The following TMEM132D variants were observed in gnomAD, a reference collection of about 807,000 sequenced individuals.
TMEM132D encodes mature OL transmembrane protein.
In TMEM132D, 21 loss-of-function variants were observed where a neutral mutation model predicts 62.3. The ratio of observed to expected loss-of-function variants is 0.34; its 90% CI spans 0.24 to 0.49. The LOEUF is 0.49. Ranked by LOEUF, TMEM132D falls within the 20% of genes least tolerant of loss-of-function variation. The probability of loss-of-function intolerance (pLI) is 0.99; values close to 1 mark genes in which losing one functional copy is unlikely to be tolerated. For missense variants in TMEM132D, 1,346 were observed against 1,402.8 expected (o/e 0.96, Z 0.65); for synonymous variants, 621 against 575.6 (o/e 1.08, Z -1.13).
intron 1 of TMEM132D, among the ~76,000 whole-genome samples, chr12:129,777,093 G>A (rs1870963343): frequency 6.6e-6 from 1 of 152,158 alleles, no homozygotes; most frequent in South Asian, 2.1e-4. Flanking sequence ...TCTATAAATT[G>A]TAAACCTTCC....
chr12:129,280,001 C>T (rs144466421), intron 4 of TMEM132D, among the ~76,000 whole-genome samples: 56 of 152,168 alleles, frequency 3.7e-4, no homozygotes, highest in African/African-American at 1.2e-3. Context: ...GGAATGGCAG[C>T]GTAAATGAAA....
chr12:129,717,475 A>G (rs1371979452), intron 1 of TMEM132D, among the ~76,000 whole-genome samples: 1 of 150,382 alleles, frequency 6.6e-6, no homozygotes, highest in Non-Finnish European at 1.5e-5. Context: ...TTATTTAATA[A>G]AATTTTAATA....
At chr12:129,762,986 C>T (rs1333937617) in intron 1 of TMEM132D, among the ~76,000 whole-genome samples, 4 of 152,180 alleles carry the variant, frequency 2.6e-5, no homozygotes, top group Admixed American at 6.5e-5. Flanking sequence ...CAGCGCTCCA[C>T]GGCACCTTTT....
intron 5 of TMEM132D, among the ~76,000 whole-genome samples, chr12:129,135,151 G>A (rs1876521834): frequency 6.6e-6 from 1 of 152,198 alleles, no homozygotes; most frequent in Non-Finnish European, 1.5e-5. Context: ...TGGAGAGGTT[G>A]GGAAGAACCA....
At chr12:129,662,604 C>T (rs1333802585) in intron 2 of TMEM132D, among the ~76,000 whole-genome samples, 1 of 152,008 alleles carries the variant, frequency 6.6e-6, no homozygotes, top group Non-Finnish European at 1.5e-5. Context: ...ACCATCCTGG[C>T]CAACACGGTG....
intron 5 of TMEM132D, among the ~76,000 whole-genome samples, chr12:129,198,493 A>G (rs910338219): frequency 5.3e-5 from 8 of 152,150 alleles, no homozygotes; most frequent in African/African-American, 1.9e-4. Context: ...TTAAAAAAAC[A>G]TTGTATCATT....
chr12:129,368,825 C>T (rs1050938524), intron 3 of TMEM132D, among the ~76,000 whole-genome samples: 11 of 151,524 alleles, frequency 7.3e-5, no homozygotes, highest in African/African-American at 2.4e-4. Flanking sequence ...TCTGGCCAAT[C>T]GGCTGTAAGC....
chr12:129,264,548 C>A (rs1880636754), intron 4 of TMEM132D, among the ~76,000 whole-genome samples: 1 of 152,142 alleles, frequency 6.6e-6, no homozygotes, highest in Non-Finnish European at 1.5e-5. Flanking sequence ...ACCATTTGAT[C>A]CAGCAAACCC....
chr12:129,084,835 A>T (rs552138760), intron 5 of TMEM132D, 133 bp from the exon 6 acceptor site: 35 of 744,642 alleles, frequency 4.7e-5, no homozygotes, highest in Non-Finnish European at 6.3e-5. Flanking sequence ...ATGGGGGAGG[A>T]GGTCCTGGTA....
intron 2 of TMEM132D, among the ~76,000 whole-genome samples, chr12:129,614,956 T>C (rs1443964921): frequency 1.3e-5 from 2 of 152,328 alleles, no homozygotes; most frequent in Admixed American, 1.3e-4. Context: ...ACATCTACCC[T>C]GGCCCCTGCA....
At chr12:129,673,642 A>C (rs1463332915) in intron 2 of TMEM132D, among the ~76,000 whole-genome samples, 1 of 152,194 alleles carries the variant, frequency 6.6e-6, no homozygotes, top group Admixed American at 6.5e-5. Context: ...ACATTCTTGC[A>C]AGAGACAGTG....
intron 4 of TMEM132D, among the ~76,000 whole-genome samples, chr12:129,307,631 A>G (rs1881875971): frequency 6.6e-6 from 1 of 152,036 alleles, no homozygotes; most frequent in Non-Finnish European, 1.5e-5. Flanking sequence ...TTCCTCAGAC[A>G]TTCTCTTCTT....
chr12:129,283,399 C>T (rs776058203), intron 4 of TMEM132D, among the ~76,000 whole-genome samples: 7 of 152,064 alleles, frequency 4.6e-5, no homozygotes, highest in Admixed American at 1.3e-4. Context: ...ACCATGTTGG[C>T]GAGGCTGGTC....
intron 4 of TMEM132D, among the ~76,000 whole-genome samples, chr12:129,236,458 T>A (rs545471893): frequency 7.5e-6 from 1 of 133,868 alleles, no homozygotes; most frequent in Admixed American, 8.9e-5. Context: ...GAGGTTAAGG[T>A]GAGCCGAGAT....
intron 4 of TMEM132D, among the ~76,000 whole-genome samples, chr12:129,310,198 G>C (rs1881939400): frequency 6.6e-6 from 1 of 152,204 alleles, no homozygotes; most frequent in Admixed American, 6.5e-5. Context: ...GGCTAGTGGT[G>C]GCTGTGAGGG....
chr12:129,075,996 C>A (rs1043001204), intron 8 of TMEM132D, among the ~76,000 whole-genome samples: 5 of 149,574 alleles, frequency 3.3e-5, no homozygotes, highest in Admixed American at 6.7e-5. Flanking sequence ...TGGCCCATGA[C>A]CCTGCCCGCT....
In TMEM132D at chr12:129,317,412, C is replaced by T. The variant is rs1230520100; in HGVS notation, c.1299+20222G>A. On this transcript the variant is annotated intron_variant, in intron 4 of 8. Coordinates refer to ENST00000422113, the MANE Select transcript of TMEM132D (RefSeq NM_133448.3). ...TCCTTCATATATGGTGCTTAGTTTT[C>T]CTGGATACAAAATTCTTGGCTGATA... 2.0e-5 allele frequency among the ~76,000 whole-genome samples: 3 copies of T among 152,068 alleles called. No individual in the cohort carries two copies. The East Asian group carries it at 5.8e-4, about 29-fold the overall frequency.
chr12:129,725,714 A>G (rs1869009018), intron 1 of TMEM132D, among the ~76,000 whole-genome samples: 1 of 152,232 alleles, frequency 6.6e-6, no homozygotes, highest in Non-Finnish European at 1.5e-5. Flanking sequence ...ATAAAGAGAA[A>G]TGGAGAACCA....
At position 129,785,483 on chromosome 12, in the gene TMEM132D, C is replaced by T. The variant is rs184674153; in HGVS notation, c.80-84785G>A. Among the ~76,000 whole-genome samples the T allele has an allele frequency of 3.4e-3, 518 of 152,322 alleles. 1 individual carries two copies. The highest frequency in any genetic ancestry group is 3.5e-3 in the Non-Finnish European group (241 of 68,034). On this transcript the variant is annotated intron_variant, in intron 1 of 8. Coordinates refer to ENST00000422113, the MANE Select transcript of TMEM132D (RefSeq NM_133448.3). ...TAGCGCACAGTACATGCTAAATCAA[C>T]GTTATTTCTTGACTCCAATCACCAT...
Sources: gnomAD v4.1 joint callset for allele counts (sites outside exome capture counted in the v4.1 genomes callset) on GRCh38, gnomAD v4.1.1 for gene constraint, MANE v1.5 for transcripts, NCBI Gene and HGNC (gene_info 2026-07-23, HGNC 2026-07-21) for gene names.